Variants in NDRG4 observed in about 807,000 individuals in gnomAD.
NDRG4 encodes the protein NDRG family member 4.
NDRG4 carries 38 observed loss-of-function variants against 55.8 expected under a neutral mutation model. The ratio of observed to expected loss-of-function variants is 0.68; its 90% CI spans 0.53 to 0.89. The LOEUF is 0.89. Among genes scored for constraint, NDRG4 ranks in the 40% least tolerant of loss-of-function variants. The pLI, the probability that NDRG4 is intolerant of heterozygous loss-of-function variation, is 0.00. For missense variants in NDRG4, 455 were observed against 468.6 expected, an observed-to-expected ratio of 0.97 and a Z score of 0.27; for synonymous variants, 190 against 182.7, an observed-to-expected ratio of 1.04 and a Z score of -0.32.
At chr16:58,484,609 CCAGGCCCAGGT>C (rs2034854381) in intron 1 of NDRG4, among the ~76,000 whole-genome samples, 1 of 152,204 alleles carries the variant, frequency 6.6e-6, no homozygotes, top group African/African-American at 2.4e-5. Context: ...TTCTGTCTGC[CCAGGCCCAGGT>C]CCCTGCACAC....
At chr16:58,494,641 G>A (rs1480718125) in intron 2 of NDRG4, among the ~76,000 whole-genome samples, 4 of 152,148 alleles carry the variant, frequency 2.6e-5, no homozygotes, top group East Asian at 1.9e-4. Flanking sequence ...CTGGCACTTC[G>A]GTGAGCCCTT....
rs1022850703 is a variant in NDRG4 at position 58,513,248 on chromosome 16, C to T, written c.*1672C>T. Reference sequence around the variant, plus strand: ...TTCTTCTGGAGGTTGTCTCTTTGGTCAAGGTGAACTTTTAATGTTTATTAT... The same window carrying T: ...TTCTTCTGGAGGTTGTCTCTTTGGTTAAGGTGAACTTTTAATGTTTATTAT... On this transcript the variant is annotated 3_prime_UTR_variant, in exon 15 of 15. Coordinates refer to ENST00000570248, the MANE Select transcript of NDRG4 (RefSeq NM_001242835.2). 6.6e-6 allele frequency: 1 copy of T among 151,706 alleles called. No homozygotes were observed. Among genetic ancestry groups the T allele is most frequent in the South Asian group, 2.1e-4 (1 of 4,804 alleles). The allele number at this position is 151,706 out of a possible 1,614,324, so 9.4% of individuals were successfully genotyped here. A position where few individuals can be genotyped will look rare whatever the true frequency, so the allele number is the denominator to read the frequency against.
At chr16:58,497,490 G>A (rs2036541547), upstream of NDRG4, among the ~76,000 whole-genome samples, 1 of 152,198 alleles carries the variant, frequency 6.6e-6, no homozygotes, top group Admixed American at 6.5e-5. Context: ...CTGCTTACTA[G>A]CCAAGTGAGG....
At chr16:58,473,571 A>G (rs1429035094) in intron 1 of NDRG4, among the ~76,000 whole-genome samples, 1 of 152,072 alleles carries the variant, frequency 6.6e-6, no homozygotes, top group African/African-American at 2.4e-5. Context: ...GTCTTCCCTA[A>G]ATCATAAATG....
At chr16:58,511,371 G>A in intron 14 of NDRG4, 51 bp from the exon 15 acceptor site, 1 of 1,530,260 alleles carries the variant, frequency 6.5e-7, no homozygotes, top group Non-Finnish European at 8.8e-7. Context: ...CCCACCAGAG[G>A]CACCTGGCCC....
upstream of NDRG4, among the ~76,000 whole-genome samples, chr16:58,497,442 C>G (rs997874574): frequency 5.9e-5 from 9 of 152,232 alleles, no homozygotes; most frequent in Admixed American, 3.9e-4. Flanking sequence ...TCTGAGACCT[C>G]AGGCCCACCC....
At chr16:58,497,494 A>G (rs998666603), upstream of NDRG4, among the ~76,000 whole-genome samples, 1 of 152,156 alleles carries the variant, frequency 6.6e-6, no homozygotes, top group Non-Finnish European at 1.5e-5. Context: ...TTACTAGCCA[A>G]GTGAGGAAAT....
chr16:58,505,135 G>C (rs1214046825), intron 5 of NDRG4, among the ~76,000 whole-genome samples: 2 of 152,128 alleles, frequency 1.3e-5, no homozygotes, highest in Non-Finnish European at 2.9e-5. Flanking sequence ...AGATCACGAG[G>C]TCAGGAGATC....
At position 58,511,360 on chromosome 16, in the gene NDRG4, T is replaced by A; in HGVS notation, c.905-62T>A. On this transcript the variant is annotated intron_variant, in intron 14 of 14. Coordinates refer to ENST00000570248, the MANE Select transcript of NDRG4 (RefSeq NM_001242835.2). ...GGCCGCTTTGCTTGCAGCCTACTTT[T>A]CCCACCAGAGGCACCTGGCCCTGCC... is the stretch of plus-strand genomic sequence containing the variant. 7 of 1,515,314 alleles carry A rather than the reference T, an allele frequency of 4.6e-6. No homozygotes were observed. The South Asian group carries it at 9.0e-5, about 19-fold the overall frequency. The allele number at this position is 1,515,314 out of a possible 1,614,324, so 93.9% of individuals were successfully genotyped here. A position where few individuals can be genotyped will look rare whatever the true frequency, so the allele number is the denominator to read the frequency against.
At position 58,512,529 on chromosome 16, in the gene NDRG4, G is replaced by A. The variant is rs527464257; in HGVS notation, c.*953G>A. 2.8e-5 allele frequency: 6 copies of A among 217,910 alleles called. No individual in the cohort carries two copies. In the South Asian group the frequency reaches 3.4e-4, roughly 12 times the overall value. 13.5% of individuals were successfully genotyped at this position (217,910 alleles called of 1,614,324 possible). A position where few individuals can be genotyped will look rare whatever the true frequency, so the allele number is the denominator to read the frequency against. ...GTGTGGTGTTTCAGGCAGAGCTCTG[G>A]CCAGGCTGTGCCAGTGTGTCCCGGA... On this transcript the variant is annotated 3_prime_UTR_variant, in exon 15 of 15. Coordinates refer to ENST00000570248, the MANE Select transcript of NDRG4 (RefSeq NM_001242835.2).
Position 58,464,500 on chromosome 16 carries a change from CT to C in NDRG4, c.-24+706del. 7.7e-7 allele frequency: 1 copy of C among 1,306,368 alleles called. No individual in the cohort carries two copies. Among genetic ancestry groups the C allele is most frequent in the Non-Finnish European group, 9.7e-7 (1 of 1,026,042 alleles). The allele number at this position is 1,306,368 out of a possible 1,614,324, so 80.9% of individuals were successfully genotyped here. ...CCGCCTGCCCCGCAGCCGGCCGCCA[CT>C]TTCCGAGTTGGAGCGGACTCCGGGC... is the stretch of plus-strand genomic sequence containing the variant. On this transcript the variant is annotated intron_variant, in intron 1 of 15. Coordinates refer to the NDRG4 transcript ENST00000258187. This position sits in a 1 kb window ranked among gnomAD's most constrained non-coding sequence, Gnocchi z 4.8.
intron 13 of NDRG4, 123 bp from the exon 14 acceptor site, chr16:58,510,522 G>C: frequency 2.4e-6 from 2 of 828,136 alleles, no homozygotes; most frequent in South Asian, 3.1e-5. Flanking sequence ...CAGCCTCTCT[G>C]TGCCTGTCCT....
At chr16:58,496,172 C>T (rs749056386), upstream of NDRG4, among the ~76,000 whole-genome samples, 17 of 152,124 alleles carry the variant, frequency 1.1e-4, no homozygotes, top group Non-Finnish European at 2.2e-4. Context: ...CACAGGCCCA[C>T]GGTGTGGGGG....
At chr16:58,501,373 C>A (rs996575650) in intron 1 of NDRG4, 3 of 299,912 alleles carry the variant, frequency 1.0e-5, no homozygotes, top group African/African-American at 6.5e-5. Flanking sequence ...ACGGACCGAC[C>A]GAGAGGAGCC....
At chr16:58,508,906 G>A in intron 10 of NDRG4, 56 bp from the exon 11 acceptor site, 1 of 1,596,078 alleles carries the variant, frequency 6.3e-7, no homozygotes, top group South Asian at 1.1e-5. Context: ...ACCTGCCTTG[G>A]CAATGGGGGT....
upstream of NDRG4, among the ~76,000 whole-genome samples, chr16:58,496,514 G>C (rs1467963889): frequency 6.6e-6 from 1 of 152,050 alleles, no homozygotes; most frequent in Non-Finnish European, 1.5e-5. Flanking sequence ...ACTATGGCAG[G>C]CGTTGTCACT....
At chr16:58,510,893 GT>G in intron 14 of NDRG4, 1 of 605,822 alleles carries the variant, frequency 1.7e-6, no homozygotes, top group Non-Finnish European at 3.0e-6. Context: ...TTGCTTCTAG[GT>G]TGTCATGAGC....
At chr16:58,470,905 TC>T (rs760570065) in intron 1 of NDRG4, among the ~76,000 whole-genome samples, 5,812 of 54,024 alleles carry the variant, frequency 0.11, 798 homozygotes, top group African/African-American at 0.34. Flanking sequence ...AGACACCATC[TC>T]CAAAAAAAAA....
Position 58,501,096 on chromosome 16 carries a change from TCCTC to T in NDRG4, c.21+828_21+831del, listed in dbSNP as rs1382871206. ...GCATCAGGTACCCCGGCCCCATTCT[TCCTC>T]AGGAGGGAGAGGCAGGGGCAGACTC... On this transcript the variant is annotated intron_variant, in intron 1 of 14. Transcript: ENST00000570248. The T allele has an allele frequency of 1.6e-5, 20 of 1,229,878 alleles. No homozygotes were observed. The South Asian group carries it at 2.0e-4, about 12-fold the overall frequency. 76.2% of individuals were successfully genotyped at this position (1,229,878 alleles called of 1,614,324 possible).
Sources: allele counts gnomAD v4.1 joint callset (sites outside exome capture counted in the v4.1 genomes callset), GRCh38; gene constraint gnomAD v4.1.1; non-coding constraint Gnocchi (gnomAD v3.1); transcripts MANE v1.5; gene names NCBI Gene and HGNC (gene_info 2026-07-23, HGNC 2026-07-21).